RAB2A: variants seen among roughly 807,000 people sequenced by gnomAD.
RAB2A encodes the protein RAB2A, member RAS oncogene family.
A neutral mutation model predicts 32.5 loss-of-function variants in RAB2A; 7 were observed. The ratio of observed to expected loss-of-function variants is 0.22; its 90% CI spans 0.12 to 0.40. The LOEUF is 0.40. Ranked by LOEUF, RAB2A falls within the 10% of genes least tolerant of loss-of-function variation. The pLI is 1.00. For synonymous variants in RAB2A, 79 were observed against 85.2 expected (o/e 0.93, Z 0.40); for missense variants, 108 against 260.7 (o/e 0.41, Z 4.03).
chr8:60,599,801 C>T (rs1471750646), intron 6 of RAB2A, among the ~76,000 whole-genome samples: 1 of 150,622 alleles, frequency 6.6e-6, no homozygotes, highest in African/African-American at 2.4e-5. Flanking sequence ...AAAATATGAA[C>T]ATATTTATCT....
At chr8:60,592,024 T>A in intron 6 of RAB2A, 55 bp downstream of exon 6, 1 of 1,042,528 alleles carries the variant, frequency 9.6e-7, no homozygotes. Context: ...AAATGTTTTA[T>A]ATATCTTCAT....
At chr8:60,582,460 T>C (rs1245540389) in intron 3 of RAB2A, among the ~76,000 whole-genome samples, 1 of 152,126 alleles carries the variant, frequency 6.6e-6, no homozygotes, top group Non-Finnish European at 1.5e-5. Context: ...TGGGATGGAG[T>C]ACTGATTATT....
intron 3 of RAB2A, among the ~76,000 whole-genome samples, chr8:60,579,365 A>T (rs1213009944): frequency 6.6e-6 from 1 of 152,028 alleles, no homozygotes; most frequent in Non-Finnish European, 1.5e-5. Flanking sequence ...TTTTAAATTA[A>T]TCCAACAGTT....
intron 1 of RAB2A, among the ~76,000 whole-genome samples, chr8:60,555,723 C>T (rs1807927920): frequency 6.6e-6 from 1 of 152,068 alleles, no homozygotes; most frequent in Admixed American, 6.5e-5. Context: ...GGTGAGGATT[C>T]AGAGAAAAGA....
intron 1 of RAB2A, among the ~76,000 whole-genome samples, chr8:60,523,721 C>T (rs1422842775): frequency 2.1e-5 from 3 of 144,554 alleles, no homozygotes; most frequent in East Asian, 2.0e-4. Flanking sequence ...AGACAAGTCT[C>T]GCTTTGTCGC....
chr8:60,528,108 T>C (rs1229492590), intron 1 of RAB2A, among the ~76,000 whole-genome samples: 1 of 152,210 alleles, frequency 6.6e-6, no homozygotes, highest in African/African-American at 2.4e-5. Flanking sequence ...GTTTGGTCTG[T>C]TAAGTTTCTG....
At chr8:60,607,184 C>G (rs543959648) in intron 6 of RAB2A, among the ~76,000 whole-genome samples, 11 of 147,170 alleles carry the variant, frequency 7.5e-5, no homozygotes, top group Admixed American at 5.5e-4. Context: ...AATCCCAGCA[C>G]TTTGGGAGGC....
chr8:60,573,270 A>G (rs1054311419), intron 3 of RAB2A, among the ~76,000 whole-genome samples: 1 of 152,228 alleles, frequency 6.6e-6, no homozygotes, highest in Non-Finnish European at 1.5e-5. Flanking sequence ...AATGAGATAG[A>G]AAAGATGGGA....
intron 6 of RAB2A, among the ~76,000 whole-genome samples, chr8:60,594,502 C>T (rs117883261): frequency 0.013 from 2,010 of 152,260 alleles, 28 homozygotes; most frequent in Non-Finnish European, 0.021. Context: ...TTTTATTATA[C>T]TTTAAGTTCT....
chr8:60,596,842 A>G (rs1038082566), intron 6 of RAB2A, among the ~76,000 whole-genome samples: 9 of 152,066 alleles, frequency 5.9e-5, no homozygotes, highest in African/African-American at 2.2e-4. Flanking sequence ...AATGGCATGA[A>G]CCCAGGAGGC....
At chr8:60,549,912 C>T (rs1259581378) in intron 1 of RAB2A, among the ~76,000 whole-genome samples, 1 of 151,362 alleles carries the variant, frequency 6.6e-6, no homozygotes, top group Non-Finnish European at 1.5e-5. Flanking sequence ...ATTTGCCAGC[C>T]TTTACTCAAA....
rs1335133212 is a variant in RAB2A at position 60,621,427 on chromosome 8, A to T, written c.*658A>T. On this transcript the variant is annotated 3_prime_UTR_variant, in exon 8 of 8. Transcript: ENST00000262646. Reference sequence around the variant, plus strand: ...TTCTTGTCACTAGTCCAAGAAAAATATGCTTAATGTATATTACAAAGGCTT... The same window carrying T: ...TTCTTGTCACTAGTCCAAGAAAAATTTGCTTAATGTATATTACAAAGGCTT... The T allele has an allele frequency of 6.6e-6, 1 of 152,240 alleles. No individual in the cohort carries two copies. The highest frequency in any genetic ancestry group is 1.9e-4 in the East Asian group (1 of 5,200). The allele number at this position is 152,240 out of a possible 1,614,324, so 9.4% of individuals were successfully genotyped here. A position where few individuals can be genotyped will look rare whatever the true frequency, so the allele number is the denominator to read the frequency against.
At chr8:60,521,214 G>A (rs1038181347) in intron 1 of RAB2A, among the ~76,000 whole-genome samples, 4 of 152,198 alleles carry the variant, frequency 2.6e-5, no homozygotes, top group African/African-American at 9.6e-5. Context: ...TAATAGTTAA[G>A]TGGATGGATC....
chr8:60,593,122 A>G lies in RAB2A; in HGVS notation c.474+1153A>G, dbSNP rs1803968944. 5.9e-5 allele frequency among the ~76,000 whole-genome samples: 9 copies of G among 152,340 alleles called. No homozygotes were observed. In the South Asian group the frequency reaches 1.9e-3, roughly 32 times the overall value. The stretch of plus-strand genomic sequence containing the variant: ...TCTACAGCATTGGTATTTTCACCGA[A>G]GAATTCTTTCTTAGGTAAAATATTA... On this transcript the variant is annotated intron_variant, in intron 6 of 7. Transcript: ENST00000262646.
chr8:60,604,249 C>G (rs113435324), intron 6 of RAB2A, among the ~76,000 whole-genome samples: 22,217 of 152,166 alleles, frequency 0.15, 4,588 homozygotes, highest in African/African-American at 0.47. Flanking sequence ...GCAGATACCA[C>G]TATCATGCTT....
chr8:60,572,958 CTA>C (rs1305997083), intron 3 of RAB2A, among the ~76,000 whole-genome samples: 1 of 152,100 alleles, frequency 6.6e-6, no homozygotes, highest in East Asian at 1.9e-4. Context: ...CTACATTTTT[CTA>C]GTGAGACTAG....
At chr8:60,605,878 G>T (rs958540231) in intron 6 of RAB2A, among the ~76,000 whole-genome samples, 1 of 136,452 alleles carries the variant, frequency 7.3e-6, no homozygotes, top group African/African-American at 3.3e-5. Context: ...GCTGGGGGTG[G>T]TGGCTCACGC....
At chr8:60,540,582 C>T (rs977123454) in intron 1 of RAB2A, among the ~76,000 whole-genome samples, 34 of 152,150 alleles carry the variant, frequency 2.2e-4, no homozygotes, top group Admixed American at 2.2e-3. Context: ...CAGGTTTAAG[C>T]GATTCCCGTG....
intron 1 of RAB2A, among the ~76,000 whole-genome samples, chr8:60,521,387 G>T (rs976652775): frequency 6.6e-6 from 1 of 152,146 alleles, no homozygotes; most frequent in Non-Finnish European, 1.5e-5. Flanking sequence ...ACATAAAATG[G>T]AGTCCCTATT....
Sources: allele counts gnomAD v4.1 joint callset (sites outside exome capture counted in the v4.1 genomes callset), GRCh38; gene constraint gnomAD v4.1.1; transcripts MANE v1.5; gene names NCBI Gene and HGNC (gene_info 2026-07-23, HGNC 2026-07-21).